The following PTK2B variants were observed in gnomAD, a reference collection of about 807,000 sequenced individuals.
PTK2B encodes protein-tyrosine kinase 2-beta.
Under a neutral mutation model 142.9 loss-of-function variants are expected in PTK2B, and 71 were observed. The ratio of observed to expected loss-of-function variants is 0.50; its 90% CI spans 0.41 to 0.61. The LOEUF (loss-of-function observed/expected upper bound fraction) is 0.61, where lower values mean the gene tolerates loss of function less well. Among genes scored for constraint, PTK2B ranks in the 20% least tolerant of loss-of-function variants. The pLI is 0.00. For synonymous variants in PTK2B, 519 were observed against 503.4 expected (o/e 1.03, Z -0.42); for missense variants, 1,105 against 1,320.4 (o/e 0.84, Z 2.53).
chr8:27,420,539 CATGGGCAGCCCTTCCCTTTGCACTAGGGG>C, intron 3 of PTK2B, 89 bp from the exon 4 acceptor site: 1 of 954,474 alleles, frequency 1.0e-6, no homozygotes, highest in South Asian at 1.4e-5. Context: ...CCACGAGACT[CATGGGCAGCCCTTCCCTTTGCACTAGGGG>C]ATGGGCTTGC....
intron 28 of PTK2B, 120 bp from the exon 29 acceptor site, chr8:27,454,031 AAAG>A: frequency 7.3e-7 from 1 of 1,362,242 alleles, no homozygotes; most frequent in Non-Finnish European, 1.0e-6. Flanking sequence ...CAATTATTCT[AAAG>A]AAGAGTCCTT....
rs58145661 is a variant in PTK2B at position 27,392,119 on chromosome 8, G to A, written c.-37-5429G>A. Among the ~76,000 whole-genome samples the A allele has an allele frequency of 6.1e-3, 936 of 152,264 alleles. 11 individuals are homozygous for A. The highest frequency in any genetic ancestry group is 0.022 in the African/African-American group (907 of 41,556). Reference sequence around the variant, plus strand: ...TAAAGGCCAGAGATAGGCTATTGACGAGTAGTTCAAATAATCAGACAATAT... The same window carrying A: ...TAAAGGCCAGAGATAGGCTATTGACAAGTAGTTCAAATAATCAGACAATAT... On this transcript the variant is annotated intron_variant, in intron 1 of 30. Transcript: ENST00000346049.
In PTK2B at chr8:27,439,061, C is replaced by T. The variant is rs767245744; in HGVS notation, c.1674C>T (p.Ala558=). 1.2e-6 allele frequency: 2 copies of T among 1,614,122 alleles called. No individual in the cohort carries two copies. Among genetic ancestry groups the T allele is most frequent in the South Asian group, 1.1e-5 (1 of 91,088 alleles). Residue 558 remains alanine (A), a synonymous_variant, in exon 19 of 31, where the codon GCC becomes GCT. Transcript: ENST00000346049. ...TTGCTGTCCGGAACATCCTGGTGGCCTCCCCTGAGTGTGTGAAGCTGGGGG... is the reference window on the plus strand; with the variant it reads ...TTGCTGTCCGGAACATCCTGGTGGCTTCCCCTGAGTGTGTGAAGCTGGGGG... ...RDIAVRNILV[A]SPECVKLGDF...
intron 9 of PTK2B, 130 bp from the exon 10 acceptor site, chr8:27,432,130 G>A: frequency 1.3e-6 from 1 of 770,804 alleles, no homozygotes; most frequent in Admixed American, 2.4e-5. Context: ...CCTTAATAGT[G>A]TTTGATTCTC....
At chr8:27,424,082 G>A (rs1448618300) in intron 5 of PTK2B, among the ~76,000 whole-genome samples, 2 of 152,010 alleles carry the variant, frequency 1.3e-5, no homozygotes, top group Non-Finnish European at 2.9e-5. Flanking sequence ...ATTACATCCT[G>A]TACTGTCTCA....
At chr8:27,323,997 G>A (rs78606369), upstream of PTK2B, among the ~76,000 whole-genome samples, 5 of 152,258 alleles carry the variant, frequency 3.3e-5, no homozygotes, top group East Asian at 9.7e-4. Flanking sequence ...CCACCTCCTA[G>A]TACAGACTCT....
intron 2 of PTK2B, among the ~76,000 whole-genome samples, chr8:27,405,035 CCTCTCT>C (rs3076734): frequency 0.047 from 5,586 of 119,604 alleles, 458 homozygotes; most frequent in African/African-American, 0.18. Flanking sequence ...TCTTTCTCTT[CCTCTCT>C]CTCTCTCTCT....
At chr8:27,339,738 A>G (rs547961728) in intron 1 of PTK2B, among the ~76,000 whole-genome samples, 13 of 152,354 alleles carry the variant, frequency 8.5e-5, no homozygotes, top group African/African-American at 2.6e-4. Flanking sequence ...TCAGGGGGTC[A>G]GGGACAGTAC....
chr8:27,432,379 C>T lies in PTK2B; in HGVS notation c.987+18C>T, dbSNP rs779654031. 2 of 1,608,790 alleles carry T rather than the reference C, an allele frequency of 1.2e-6. No individual in the cohort carries two copies. Among genetic ancestry groups the T allele is most frequent in the Non-Finnish European group, 1.7e-6 (2 of 1,176,302 alleles). Reference sequence around the variant, plus strand: ...CCCCCCAGGTGAGTGTCTCTGGGCACTGGGCACCTGGCAGCTCTGCAGGGG... The same window carrying T: ...CCCCCCAGGTGAGTGTCTCTGGGCATTGGGCACCTGGCAGCTCTGCAGGGG... On this transcript the variant is annotated intron_variant, in intron 10 of 30. Coordinates refer to ENST00000346049, the MANE Select transcript of PTK2B (RefSeq NM_173176.3).
intron 1 of PTK2B, among the ~76,000 whole-genome samples, chr8:27,353,908 G>T (rs562543118): frequency 1.6e-3 from 243 of 152,288 alleles, no homozygotes; most frequent in Non-Finnish European, 2.9e-3. Context: ...CACTCTTTTA[G>T]TTGCAGATGA....
At chr8:27,406,475 T>A (rs1808718842) in intron 2 of PTK2B, among the ~76,000 whole-genome samples, 1 of 152,188 alleles carries the variant, frequency 6.6e-6, no homozygotes, top group South Asian at 2.1e-4. Context: ...AGTGGGCCTT[T>A]TGTCCATTTA....
At chr8:27,373,576 G>C (rs757875493) in intron 1 of PTK2B, among the ~76,000 whole-genome samples, 11 of 152,086 alleles carry the variant, frequency 7.2e-5, no homozygotes, top group African/African-American at 2.2e-4. Flanking sequence ...TAGCTGCTTG[G>C]GGGGCTGAGG....
At chr8:27,372,472 C>G (rs192413326) in intron 1 of PTK2B, among the ~76,000 whole-genome samples, 22 of 152,224 alleles carry the variant, frequency 1.4e-4, no homozygotes, top group Non-Finnish European at 1.3e-4. Context: ...GGGGGGTCAG[C>G]CTTTTGTTCT....
intron 1 of PTK2B, among the ~76,000 whole-genome samples, chr8:27,336,888 T>G (rs1804096704): frequency 6.6e-6 from 1 of 152,186 alleles, no homozygotes; most frequent in Admixed American, 6.5e-5. Flanking sequence ...CAGGCTGGAG[T>G]GCAGTGGCAC....
chr8:27,385,088 GGAAGTTA>G (rs1563239932), intron 1 of PTK2B, among the ~76,000 whole-genome samples: 21 of 152,178 alleles, frequency 1.4e-4, no homozygotes, highest in African/African-American at 5.1e-4. Context: ...GTGGCCTTTG[GGAAGTTA>G]CTCTGCTCAT....
At chr8:27,404,798 A>G (rs1808601205) in intron 2 of PTK2B, among the ~76,000 whole-genome samples, 1 of 152,178 alleles carries the variant, frequency 6.6e-6, no homozygotes, top group Non-Finnish European at 1.5e-5. Flanking sequence ...ACTCAACCAG[A>G]CACAAGGTGC....
rs947555326 is a variant in PTK2B, at chr8:27,453,033, G to A, written c.2549-81G>A. On this transcript the variant is annotated intron_variant, in intron 27 of 30. Transcript: ENST00000346049. ...GTCTCCTGGTGGTAGAGGGGAAGGG[G>A]CTCATTTGATGTCAGCAGGTACGAA... The A allele has an allele frequency of 2.2e-5, 33 of 1,513,284 alleles. No individual in the cohort carries two copies. The Admixed American group carries it at 3.9e-4, about 18-fold the overall frequency. 93.7% of individuals were successfully genotyped at this position (1,513,284 alleles called of 1,614,324 possible).
At chr8:27,443,004 A>G (rs755435362) in intron 22 of PTK2B, 21 bp downstream of exon 22, 3 of 1,591,148 alleles carry the variant, frequency 1.9e-6, no homozygotes, top group Non-Finnish European at 2.6e-6. Flanking sequence ...CCATGGCCTC[A>G]TAAGTCCTGT....
At chr8:27,339,827 G>C (rs1282630648) in intron 1 of PTK2B, among the ~76,000 whole-genome samples, 1 of 152,190 alleles carries the variant, frequency 6.6e-6, no homozygotes, top group Non-Finnish European at 1.5e-5. Context: ...AGGAGTTCAG[G>C]TCAGCATCTT....
Sources: allele counts gnomAD v4.1 joint callset (sites outside exome capture counted in the v4.1 genomes callset), GRCh38; gene constraint gnomAD v4.1.1; transcripts MANE v1.5; gene names NCBI Gene and HGNC (gene_info 2026-07-23, HGNC 2026-07-21).